FAM169A: variants seen among roughly 807,000 people sequenced by gnomAD.
FAM169A encodes the protein family with sequence similarity 169 member A, also known as soluble lamin-associated protein of 75 kDa.
In FAM169A, 24 loss-of-function variants were observed where a neutral mutation model predicts 75.7. That is an observed-to-expected ratio of 0.32 (90% CI 0.23 to 0.45). The LOEUF (loss-of-function observed/expected upper bound fraction) is 0.45, where lower values mean the gene tolerates loss of function less well. Among genes scored for constraint, FAM169A ranks in the 20% least tolerant of loss-of-function variants. The pLI is 1.00. For synonymous variants in FAM169A, 271 were observed against 271.0 expected (o/e 1.00, Z 0.00); for missense variants, 673 against 784.0 (o/e 0.86, Z 1.69).
chr5:74,834,772 T>C (rs553410482), intron 4 of FAM169A, among the ~76,000 whole-genome samples, 175 bp from the exon 5 acceptor site: 12 of 152,278 alleles, frequency 7.9e-5, no homozygotes, highest in South Asian at 2.1e-4. Context: ...ATCATTCACA[T>C]AGATTACAAT....
rs559382715 is a variant in FAM169A, at chr5:74,837,338, TG to T, written c.318+1626del. Among the ~76,000 whole-genome samples the T allele has an allele frequency of 1.5e-3, 225 of 152,318 alleles. 3 individuals are homozygous for T. The highest frequency in any genetic ancestry group is 0.014 in the Admixed American group (210 of 15,306). The stretch of plus-strand genomic sequence containing the variant: ...TAATTCCCTCCTCCCCTTCAGTTTC[TG>T]TTCAAAGTTTCATATCAGACTGGCA... On this transcript the variant is annotated intron_variant, in intron 4 of 12. Coordinates refer to ENST00000687041, the MANE Select transcript of FAM169A (RefSeq NM_001376049.1).
intron 6 of FAM169A, among the ~76,000 whole-genome samples, chr5:74,813,104 G>A (rs1022685911): frequency 4.6e-5 from 7 of 152,162 alleles, no homozygotes; most frequent in Non-Finnish European, 7.3e-5. Flanking sequence ...TATGAAAAAT[G>A]TCCAGAATGA....
intron 2 of FAM169A, among the ~76,000 whole-genome samples, chr5:74,840,587 G>T (rs1000735689): frequency 1.6e-4 from 24 of 150,974 alleles, no homozygotes; most frequent in Admixed American, 7.9e-4. Flanking sequence ...CCAGCACTCT[G>T]GGGAGGCCAA....
rs369508692 is a variant in FAM169A, at chr5:74,785,967, C to T, written c.1261-2833G>A. Among the ~76,000 whole-genome samples, 3 of 152,284 alleles carry T rather than the reference C, an allele frequency of 2.0e-5. No individual in the cohort carries two copies. The East Asian group carries it at 5.8e-4, about 29-fold the overall frequency. On this transcript the variant is annotated intron_variant, in intron 11 of 12. Transcript: ENST00000687041. ...CTGGGTGTGTCTATAAGGAGATAAA[C>T]ATTTGAGTCAGTGGACTGGGAGAGG...
chr5:74,787,219 T>C (rs1387092791), intron 11 of FAM169A, among the ~76,000 whole-genome samples: 2 of 152,146 alleles, frequency 1.3e-5, no homozygotes, highest in Non-Finnish European at 2.9e-5. Context: ...TAGAGTTCGA[T>C]CAGGCTGAAT....
rs560439931 is a variant in FAM169A, at chr5:74,806,979, G to GT, written c.671-1696_671-1695insA. ...ACCTGCAGGATATGACAAGCACCAA[G>GT]AAGAATAAGGGAAATGGAAACACAC... On this transcript the variant is annotated intron_variant, in intron 6 of 12. Transcript: ENST00000687041. 5.9e-5 allele frequency among the ~76,000 whole-genome samples: 9 copies of GT among 152,228 alleles called. No homozygotes were observed. The South Asian group carries it at 1.7e-3, about 28-fold the overall frequency.
chr5:74,859,598 T>TA (rs1276810191), intron 1 of FAM169A, among the ~76,000 whole-genome samples: 4 of 152,230 alleles, frequency 2.6e-5, no homozygotes, highest in East Asian at 1.9e-4. Context: ...AAGGTTTTCT[T>TA]AATTTTTAAC....
intron 1 of FAM169A, among the ~76,000 whole-genome samples, chr5:74,864,783 C>T (rs550782211): frequency 7.0e-4 from 107 of 152,328 alleles, no homozygotes; most frequent in Non-Finnish European, 1.2e-3. Context: ...CATGTTTTAT[C>T]TTTGTTTGCG....
intron 6 of FAM169A, among the ~76,000 whole-genome samples, chr5:74,806,920 T>C (rs926402076): frequency 6.6e-6 from 1 of 152,108 alleles, no homozygotes; most frequent in Non-Finnish European, 1.5e-5. Flanking sequence ...TAAACCTCAC[T>C]AGCTGCCAAG....
chr5:74,850,594 T>C (rs1749392466), intron 1 of FAM169A, among the ~76,000 whole-genome samples: 1 of 152,194 alleles, frequency 6.6e-6, no homozygotes, highest in Non-Finnish European at 1.5e-5. Context: ...GATTACTAGC[T>C]ATGTAACCAT....
chr5:74,861,663 CA>C (rs202212142), intron 1 of FAM169A, among the ~76,000 whole-genome samples: 7 of 146,700 alleles, frequency 4.8e-5, no homozygotes, highest in Non-Finnish European at 6.0e-5. Flanking sequence ...TGCAGTGAGC[CA>C]AAAAAAAAAG....
intron 4 of FAM169A, among the ~76,000 whole-genome samples, chr5:74,837,706 C>CA (rs1463511272): frequency 1.3e-5 from 2 of 151,542 alleles, no homozygotes; most frequent in Admixed American, 1.3e-4. Context: ...CAACTGCCCA[C>CA]AAAAAAAATG....
At chr5:74,846,258 T>C (rs182119768) in intron 1 of FAM169A, among the ~76,000 whole-genome samples, 161 of 152,334 alleles carry the variant, frequency 1.1e-3, no homozygotes, top group Middle Eastern at 3.4e-3. Context: ...AAACAAAGTA[T>C]GGATGAAACA....
chr5:74,808,742 G>C (rs16872292), intron 6 of FAM169A, among the ~76,000 whole-genome samples: 1,786 of 152,308 alleles, frequency 0.012, 35 homozygotes, highest in African/African-American at 0.041. Flanking sequence ...ACTAACTTCA[G>C]GAGTGCAATT....
At chr5:74,795,689 T>C (rs1358403620) in intron 11 of FAM169A, among the ~76,000 whole-genome samples, 1 of 152,240 alleles carries the variant, frequency 6.6e-6, no homozygotes, top group African/African-American at 2.4e-5. Context: ...TAACTGGTTC[T>C]ATAAGGTAGA....
At chr5:74,783,990 A>T (rs2112458507) in intron 11 of FAM169A, among the ~76,000 whole-genome samples, 1 of 152,234 alleles carries the variant, frequency 6.6e-6, no homozygotes, top group South Asian at 2.1e-4. Context: ...AAATTTATTA[A>T]ATTGTTCTAA....
chr5:74,794,002 CAAAAAAAAA>C (rs1276485325), intron 11 of FAM169A, among the ~76,000 whole-genome samples: 1 of 50,750 alleles, frequency 2.0e-5, no homozygotes, highest in Non-Finnish European at 4.1e-5. Context: ...GACTCCATCT[CAAAAAAAAA>C]AAAAAAAAAG....
At chr5:74,822,338 C>T (rs146229707) in intron 5 of FAM169A, among the ~76,000 whole-genome samples, 412 of 152,288 alleles carry the variant, frequency 2.7e-3, no homozygotes, top group Admixed American at 5.3e-3. Context: ...GTCACACAGC[C>T]CCATGTAGTT....
At chr5:74,853,419 A>T (rs1185094999) in intron 1 of FAM169A, among the ~76,000 whole-genome samples, 1 of 152,146 alleles carries the variant, frequency 6.6e-6, no homozygotes, top group Non-Finnish European at 1.5e-5. Flanking sequence ...GGAGCCTCAG[A>T]TGTGGAGAGG....
Sources: gnomAD v4.1 joint callset for allele counts (sites outside exome capture counted in the v4.1 genomes callset) on GRCh38, gnomAD v4.1.1 for gene constraint, MANE v1.5 for transcripts, NCBI Gene and HGNC (gene_info 2026-07-23, HGNC 2026-07-21) for gene names.